Variants in CALN1 observed in about 807,000 individuals in gnomAD.
CALN1 encodes calcium-binding protein 8.
CALN1 carries 17 observed loss-of-function variants against 30.6 expected under a neutral mutation model. That is an observed-to-expected ratio of 0.56 (90% CI 0.38 to 0.83). The LOEUF is 0.83. Among genes scored for constraint, CALN1 ranks in the 40% least tolerant of loss-of-function variants. The pLI is 0.00. For synonymous variants in CALN1, 156 were observed against 131.4 expected, an observed-to-expected ratio of 1.19 and a Z score of -1.28; for missense variants, 291 against 354.9, an observed-to-expected ratio of 0.82 and a Z score of 1.45.
intron 2 of CALN1, among the ~76,000 whole-genome samples, chr7:72,341,566 G>A (rs1047742470): frequency 3.9e-5 from 6 of 152,126 alleles, no homozygotes; most frequent in Admixed American, 1.3e-4. Flanking sequence ...CTTGGTAAGT[G>A]TAGAGATACA....
chr7:72,134,908 G>T (rs1304329152), intron 3 of CALN1, among the ~76,000 whole-genome samples: 1 of 152,186 alleles, frequency 6.6e-6, no homozygotes, highest in Non-Finnish European at 1.5e-5. Flanking sequence ...ATTATGTAAA[G>T]AATATGCTGA....
chr7:71,907,660 TATA>T (rs1444155232), intron 5 of CALN1, among the ~76,000 whole-genome samples: 1 of 152,228 alleles, frequency 6.6e-6, no homozygotes, highest in African/African-American at 2.4e-5. Flanking sequence ...TAAATGACTT[TATA>T]ATAACGATAG....
At chr7:72,132,031 C>T (rs912201999) in intron 3 of CALN1, among the ~76,000 whole-genome samples, 7 of 152,114 alleles carry the variant, frequency 4.6e-5, no homozygotes, top group African/African-American at 1.2e-4. Context: ...GTCCTCCAGT[C>T]GCTCAATGTA....
intron 4 of CALN1, among the ~76,000 whole-genome samples, chr7:72,056,949 G>C (rs1803294097): frequency 6.6e-6 from 1 of 151,852 alleles, no homozygotes; most frequent in African/African-American, 2.4e-5. Context: ...TTGTTGTTTT[G>C]TTTGTTTTAA....
At chr7:72,124,231 A>T (rs918915857) in intron 3 of CALN1, among the ~76,000 whole-genome samples, 6 of 152,306 alleles carry the variant, frequency 3.9e-5, no homozygotes, top group African/African-American at 1.4e-4. Flanking sequence ...GTAACACTGC[A>T]ATCTATTGGA....
At chr7:72,347,227 AT>A (rs1034192929) in intron 2 of CALN1, among the ~76,000 whole-genome samples, 14 of 150,532 alleles carry the variant, frequency 9.3e-5, no homozygotes, top group Non-Finnish European at 1.3e-4. Flanking sequence ...CCCAAAGACA[AT>A]TTTTTTTCTT....
intron 5 of CALN1, among the ~76,000 whole-genome samples, chr7:71,952,041 A>G (rs1018616430): frequency 6.6e-6 from 1 of 151,970 alleles, no homozygotes; most frequent in African/African-American, 2.4e-5. Context: ...AGGCAGGACC[A>G]CCCCAGGATG....
At chr7:72,468,392 C>T in the CALN1 span, among the ~76,000 whole-genome samples, 1 of 152,228 alleles carries the variant, frequency 6.6e-6, no homozygotes, top group Non-Finnish European at 1.5e-5. Flanking sequence ...TGGCTCACTG[C>T]AACCTCCACC....
chr7:72,049,091 G>C (rs1802670078), intron 4 of CALN1, among the ~76,000 whole-genome samples: 1 of 152,106 alleles, frequency 6.6e-6, no homozygotes, highest in Non-Finnish European at 1.5e-5. Context: ...TTATCGGTGT[G>C]AGCCACCGCA....
chr7:72,361,351 C>T (rs977941105), intron 2 of CALN1, among the ~76,000 whole-genome samples: 2 of 151,938 alleles, frequency 1.3e-5, no homozygotes, highest in African/African-American at 4.8e-5. Flanking sequence ...GAAATAAAAA[C>T]GAGTTCAGAC....
At chr7:72,126,570 C>T (rs1232369105) in intron 3 of CALN1, among the ~76,000 whole-genome samples, 1 of 151,776 alleles carries the variant, frequency 6.6e-6, no homozygotes, top group Admixed American at 6.6e-5. Context: ...GAGCAATGTA[C>T]ACTGTACCCA....
chr7:71,926,449 G>C (rs2107883), intron 5 of CALN1, among the ~76,000 whole-genome samples: 1 of 151,938 alleles, frequency 6.6e-6, no homozygotes, highest in African/African-American at 2.4e-5. Flanking sequence ...GCCTATTGGA[G>C]AGCAAACCCT....
At chr7:72,098,764 G>GCGCACGCGCACA (rs1414936509) in intron 4 of CALN1, among the ~76,000 whole-genome samples, 3 of 142,730 alleles carry the variant, frequency 2.1e-5, no homozygotes, top group Admixed American at 6.9e-5. Flanking sequence ...CATTTGGCGC[G>GCGCACGCGCACA]CACACACACA....
chr7:71,843,952 T>C (rs185499991), intron 5 of CALN1, among the ~76,000 whole-genome samples: 1 of 151,954 alleles, frequency 6.6e-6, no homozygotes, highest in Non-Finnish European at 1.5e-5. Context: ...GGTAACAGCA[T>C]CAGAGAAGCA....
At chr7:72,049,912 T>C (rs1215307285) in intron 4 of CALN1, among the ~76,000 whole-genome samples, 1 of 148,216 alleles carries the variant, frequency 6.7e-6, no homozygotes, top group African/African-American at 2.5e-5. Context: ...CAAGTTCGAG[T>C]GATTCTCCTG....
intron 2 of CALN1, among the ~76,000 whole-genome samples, chr7:72,330,466 CAA>C (rs34819395): frequency 3.4e-4 from 38 of 112,976 alleles, no homozygotes; most frequent in Admixed American, 5.6e-4. Flanking sequence ...AGACTGTCTC[CAA>C]AAAAAAAAAA....
intron 4 of CALN1, among the ~76,000 whole-genome samples, chr7:72,061,796 CAAAAAAAAAAAA>C (rs1161510912): frequency 2.3e-5 from 2 of 85,134 alleles, no homozygotes; most frequent in East Asian, 8.1e-4. Context: ...GACTCTGTCT[CAAAAAAAAAAAA>C]AAAAAAAAAA....
chr7:72,026,872 C>T (rs1447524398), intron 4 of CALN1, among the ~76,000 whole-genome samples: 1 of 152,028 alleles, frequency 6.6e-6, no homozygotes, highest in Non-Finnish European at 1.5e-5. Flanking sequence ...TAGAATTTGA[C>T]ACCTCTGAAA....
At chr7:72,454,505 C>G in the CALN1 span, among the ~76,000 whole-genome samples, 1 of 152,166 alleles carries the variant, frequency 6.6e-6, no homozygotes, top group African/African-American at 2.4e-5. Flanking sequence ...ACCACAGACA[C>G]CAGACCCTGC....
Sources: gnomAD v4.1 joint callset for allele counts (sites outside exome capture counted in the v4.1 genomes callset) on GRCh38, gnomAD v4.1.1 for gene constraint, MANE v1.5 for transcripts, NCBI Gene and HGNC (gene_info 2026-07-23, HGNC 2026-07-21) for gene names.